Variants in HDAC11 observed in about 807,000 individuals in gnomAD.
HDAC11 encodes the protein histone deacetylase 11.
A neutral mutation model predicts 41.1 loss-of-function variants in HDAC11; 23 were observed. That is an observed-to-expected ratio of 0.56 (90% CI 0.40 to 0.79). HDAC11 has a LOEUF of 0.79. HDAC11 is among the 30% of genes least tolerant of loss of function. HDAC11 has a pLI of 0.00. For synonymous variants in HDAC11, 187 were observed against 186.6 expected, an observed-to-expected ratio of 1.00 and a Z score of -0.02; for missense variants, 402 against 477.3, an observed-to-expected ratio of 0.84 and a Z score of 1.47.
At position 13,502,990 on chromosome 3, in the gene HDAC11, T is replaced by C. The variant is rs765808768; in HGVS notation, c.649+10T>C. The C allele has an allele frequency of 4.4e-6, 7 of 1,603,948 alleles. No homozygotes were observed. Among genetic ancestry groups the C allele is most frequent in the Non-Finnish European group, 6.0e-6 (7 of 1,171,134 alleles). ...GACCGCTTTGCCAAGCGTAAGCTGCTGCCCCTACCCTCATCTTGGGTGTGT... is the reference window on the plus strand; with the variant it reads ...GACCGCTTTGCCAAGCGTAAGCTGCCGCCCCTACCCTCATCTTGGGTGTGT... On this transcript the variant is annotated intron_variant, in intron 8 of 9. Transcript: ENST00000295757. The surrounding 1 kb of genome is among the most constrained non-coding windows in gnomAD (Gnocchi z 4.1).
chr3:13,505,886 C>G lies in HDAC11; in HGVS notation c.*1203C>G, dbSNP rs1702600364. On this transcript the variant is annotated 3_prime_UTR_variant, in exon 10 of 10. Coordinates refer to ENST00000295757, the MANE Select transcript of HDAC11 (RefSeq NM_024827.4). ...GAAGTGGGCGGGGGAGCATCCACCC[C>G]TGCTAGCCGGCAGCTGTGGCCCTGA... The G allele has an allele frequency of 6.6e-6, 1 of 152,418 alleles. No individual in the cohort carries two copies. The highest frequency in any genetic ancestry group is 2.1e-4 in the South Asian group (1 of 4,832). The allele number at this position is 152,418 out of a possible 1,614,324, so 9.4% of individuals were successfully genotyped here. A position where few individuals can be genotyped will look rare whatever the true frequency, so the allele number is the denominator to read the frequency against.
chr3:13,496,288 G>A (rs935310756), intron 3 of HDAC11, among the ~76,000 whole-genome samples: 2 of 152,222 alleles, frequency 1.3e-5, no homozygotes, highest in Non-Finnish European at 2.9e-5. Flanking sequence ...CAGGGCTCCC[G>A]TCCCAGCTCT....
chr3:13,502,675 C>A lies in HDAC11; in HGVS notation c.553-209C>A. ...TGATAGGGAACCTAAGAGCACTGGG[C>A]TTGCTCAAGCCCATGCTAGAAGGTG... On this transcript the variant is annotated intron_variant, in intron 7 of 9. Transcript: ENST00000295757. This position sits in a 1 kb window ranked among gnomAD's most constrained non-coding sequence, Gnocchi z 4.1. The A allele has an allele frequency of 1.9e-6, 1 of 524,638 alleles. No individual in the cohort carries two copies. The highest frequency in any genetic ancestry group is 3.4e-6 in the Non-Finnish European group (1 of 289,956). The allele number at this position is 524,638 out of a possible 1,614,324, so 32.5% of individuals were successfully genotyped here.
At chr3:13,491,068 T>TTGTGTGTG (rs58333021) in intron 3 of HDAC11, among the ~76,000 whole-genome samples, 42 of 140,314 alleles carry the variant, frequency 3.0e-4, no homozygotes, top group African/African-American at 6.7e-4. Flanking sequence ...GCTTTAATAG[T>TTGTGTGTG]TGTGTGTGTG....
At chr3:13,490,084 T>C (rs1701778376) in intron 3 of HDAC11, among the ~76,000 whole-genome samples, 1 of 151,874 alleles carries the variant, frequency 6.6e-6, no homozygotes, top group Admixed American at 6.6e-5. Context: ...ACCTCCGCCT[T>C]CTGGTTTCAG....
chr3:13,502,287 C>T lies in HDAC11; in HGVS notation c.552+354C>T. The T allele has an allele frequency of 3.9e-6, 1 of 255,748 alleles. No homozygotes were observed. The highest frequency in any genetic ancestry group is 7.5e-6 in the Non-Finnish European group (1 of 133,652). The allele number at this position is 255,748 out of a possible 1,614,324, so 15.8% of individuals were successfully genotyped here. ...GCCCAGAGCTGCTGAGCACTGGCCACCTGCCCCTCAGGCGGATGCCCACAC... is the reference window on the plus strand; with the variant it reads ...GCCCAGAGCTGCTGAGCACTGGCCATCTGCCCCTCAGGCGGATGCCCACAC... On this transcript the variant is annotated intron_variant, in intron 7 of 9. Coordinates refer to ENST00000295757, the MANE Select transcript of HDAC11 (RefSeq NM_024827.4). The surrounding 1 kb of genome is among the most constrained non-coding windows in gnomAD (Gnocchi z 4.1).
chr3:13,491,551 G>C (rs1701867048), intron 3 of HDAC11, among the ~76,000 whole-genome samples: 1 of 152,254 alleles, frequency 6.6e-6, no homozygotes, highest in Non-Finnish European at 1.5e-5. Flanking sequence ...AGGGGTTACA[G>C]CCTAGCTCTT....
chr3:13,501,858 TC>T lies in HDAC11; in HGVS notation c.490-11del, dbSNP rs1702381831. 1.2e-6 allele frequency: 2 copies of T among 1,613,512 alleles called. No homozygotes were observed. The highest frequency in any genetic ancestry group is 1.7e-6 in the Non-Finnish European group (2 of 1,179,588). ...GCCCCAGATCCTCATGTCTACCCTC[TC>T]CTCCCTGGCAGTTTCTGTTTGAGCG... is the stretch of plus-strand genomic sequence containing the variant. On this transcript the variant is annotated splice_polypyrimidine_tract_variant and intron_variant, in intron 6 of 9. Transcript: ENST00000295757.
chr3:13,504,302 G>T, intron 9 of HDAC11, 30 bp downstream of exon 9: 1 of 1,609,872 alleles, frequency 6.2e-7, no homozygotes, highest in Non-Finnish European at 8.5e-7. Flanking sequence ...GCCACGGGAG[G>T]GTCTGCTCTA....
At chr3:13,491,013 T>C (rs1574898001) in intron 3 of HDAC11, among the ~76,000 whole-genome samples, 1 of 151,990 alleles carries the variant, frequency 6.6e-6, no homozygotes, top group East Asian at 1.9e-4. Flanking sequence ...CCTCTCAAAG[T>C]GCTGGTATTA....
At chr3:13,504,297 G>A (rs1312230217) in intron 9 of HDAC11, 25 bp downstream of exon 9, 9 of 1,610,708 alleles carry the variant, frequency 5.6e-6, no homozygotes, top group South Asian at 3.3e-5. Context: ...TTGGGGCCAC[G>A]GGAGGGTCTG....
intron 2 of HDAC11, among the ~76,000 whole-genome samples, chr3:13,482,815 T>G (rs1226432859): frequency 6.6e-6 from 1 of 152,174 alleles, no homozygotes; most frequent in African/African-American, 2.4e-5. Context: ...ATTTATTTAT[T>G]GAGACAGGGT....
intron 3 of HDAC11, among the ~76,000 whole-genome samples, chr3:13,494,988 C>T (rs2597511): frequency 0.77 from 117,051 of 151,872 alleles, 45,213 homozygotes; most frequent in Non-Finnish European, 0.78. Context: ...CTCTCCCTGC[C>T]TGCTGCCTGC....
At chr3:13,497,442 G>T (rs1174162753) in intron 4 of HDAC11, among the ~76,000 whole-genome samples, 1 of 152,118 alleles carries the variant, frequency 6.6e-6, no homozygotes, top group East Asian at 1.9e-4. Context: ...GCCTCCCAAA[G>T]TACTGGGATT....
rs1701286887 is a variant in HDAC11, at chr3:13,480,946, C to A, written c.3-300C>A. On this transcript the variant is annotated intron_variant, in intron 1 of 9. Transcript: ENST00000295757. The surrounding 1 kb of genome is among the most constrained non-coding windows in gnomAD (Gnocchi z 4.6). ...GCGGAGGCCTTGCAGCCAGACACAC[C>A]TGAGTGCACGCCTGCTTCTCCACAG... 2.1e-6 allele frequency: 1 copy of A among 478,328 alleles called. No individual in the cohort carries two copies. Among genetic ancestry groups the A allele is most frequent in the Non-Finnish European group, 3.9e-6 (1 of 257,510 alleles). 29.6% of individuals were successfully genotyped at this position (478,328 alleles called of 1,614,324 possible).
At chr3:13,482,118 T>C (rs1029664924) in intron 2 of HDAC11, among the ~76,000 whole-genome samples, 11 of 151,860 alleles carry the variant, frequency 7.2e-5, no homozygotes, top group African/African-American at 2.7e-4. Flanking sequence ...AGAGGCGGAG[T>C]TGGGTTTGGA....
At chr3:13,500,610 A>T in intron 5 of HDAC11, 103 bp from the exon 6 acceptor site, 2 of 930,482 alleles carry the variant, frequency 2.1e-6, no homozygotes, top group South Asian at 1.4e-5. Flanking sequence ...GGTTCCTGAG[A>T]GCTGAGCAGG....
chr3:13,502,026 CCACGGCTCT>C lies in HDAC11; in HGVS notation c.552+101_552+109del. The C allele has an allele frequency of 1.0e-6, 1 of 993,270 alleles. No homozygotes were observed. The highest frequency in any genetic ancestry group is 1.6e-5 in the African/African-American group (1 of 62,830). 61.5% of individuals were successfully genotyped at this position (993,270 alleles called of 1,614,324 possible). On this transcript the variant is annotated intron_variant, in intron 7 of 9. Transcript: ENST00000295757. This position sits in a 1 kb window ranked among gnomAD's most constrained non-coding sequence, Gnocchi z 4.1. ...CAGGAGAGTCTCCCTCCTCATGTCCCCACGGCTCTCACGGCTTCTGTCTTCTGTCTCTCG... is the reference window on the plus strand; with the variant it reads ...CAGGAGAGTCTCCCTCCTCATGTCCCCACGGCTTCTGTCTTCTGTCTCTCG...
Position 13,506,105 on chromosome 3 carries a change from C to A in HDAC11, c.*1422C>A, listed in dbSNP as rs1459959824. The A allele has an allele frequency of 1.3e-5, 2 of 152,200 alleles. No homozygotes were observed. The highest frequency in any genetic ancestry group is 6.5e-5 in the Admixed American group (1 of 15,280). 9.4% of individuals were successfully genotyped at this position (152,200 alleles called of 1,614,324 possible). A position where few individuals can be genotyped will look rare whatever the true frequency, so the allele number is the denominator to read the frequency against. On this transcript the variant is annotated 3_prime_UTR_variant, in exon 10 of 10. Transcript: ENST00000295757. Reference sequence around the variant, plus strand: ...ACAATGCTGGCCTCCTGGACCAGACCCCGAGGCTCTAACAATGCACTCTGA... The same window carrying A: ...ACAATGCTGGCCTCCTGGACCAGACACCGAGGCTCTAACAATGCACTCTGA...
Sources: allele counts gnomAD v4.1 joint callset (sites outside exome capture counted in the v4.1 genomes callset), GRCh38; gene constraint gnomAD v4.1.1; non-coding constraint Gnocchi (gnomAD v3.1); transcripts MANE v1.5; gene names NCBI Gene and HGNC (gene_info 2026-07-23, HGNC 2026-07-21).